Variants in RBFOX1 observed in about 807,000 individuals in gnomAD.
The protein encoded by RBFOX1 is RNA binding protein fox-1 homolog 1.
RBFOX1 carries 8 observed loss-of-function variants against 57.7 expected under a neutral mutation model. The observed-to-expected ratio is 0.14, with a 90% CI of 0.08 to 0.25. The LOEUF (loss-of-function observed/expected upper bound fraction) is 0.25. Among genes scored for constraint, RBFOX1 ranks in the 10% least tolerant of loss-of-function variants. The pLI, the probability that RBFOX1 is intolerant of heterozygous loss-of-function variation, is 1.00. For missense variants in RBFOX1, 611 were observed against 548.5 expected, an observed-to-expected ratio of 1.11 and a Z score of -1.14; for synonymous variants, 326 against 222.4, an observed-to-expected ratio of 1.47 and a Z score of -4.15.
At chr16:7,073,319 C>G (rs370812004) in intron 4 of RBFOX1, among the ~76,000 whole-genome samples, 2 of 152,240 alleles carry the variant, frequency 1.3e-5, no homozygotes, top group African/African-American at 4.8e-5. Context: ...AATCCCTTCC[C>G]TATATGAAGG....
chr16:5,600,540 T>C (rs2151206814), downstream of RBFOX1, among the ~76,000 whole-genome samples: 1 of 147,240 alleles, frequency 6.8e-6, no homozygotes, highest in East Asian at 2.0e-4. Context: ...TGTCCATGAG[T>C]GTGCTCTGTA....
chr16:6,652,111 A>T (rs1050589291), intron 2 of RBFOX1, among the ~76,000 whole-genome samples: 3 of 152,106 alleles, frequency 2.0e-5, no homozygotes. Context: ...AGGTTAAGTG[A>T]TGTCATAAGG....
chr16:5,507,694 G>C (rs1173322523), intron 2 of RBFOX1, among the ~76,000 whole-genome samples: 1 of 152,130 alleles, frequency 6.6e-6, no homozygotes, highest in Non-Finnish European at 1.5e-5. Context: ...TCCAGTGACT[G>C]GTGTCCTTAT....
chr16:7,487,400 G>A (rs142657369), intron 4 of RBFOX1, among the ~76,000 whole-genome samples: 66 of 152,246 alleles, frequency 4.3e-4, no homozygotes, highest in Non-Finnish European at 8.7e-4. Context: ...CCTGTCTCCT[G>A]TACTGAAAGG....
At chr16:6,128,030 G>A (rs1567519969) in intron 1 of RBFOX1, among the ~76,000 whole-genome samples, 1 of 152,142 alleles carries the variant, frequency 6.6e-6, no homozygotes. Flanking sequence ...GCTGTGCTGT[G>A]AAGTCACTAG....
At chr16:7,512,055 C>A (rs2075236574) in intron 4 of RBFOX1, among the ~76,000 whole-genome samples, 1 of 151,872 alleles carries the variant, frequency 6.6e-6, no homozygotes, top group Admixed American at 6.6e-5. Flanking sequence ...CCCACAAGCA[C>A]CCTGACTCTG....
intron 4 of RBFOX1, among the ~76,000 whole-genome samples, chr16:7,080,461 G>T (rs116548318): frequency 0.01 from 1,528 of 152,268 alleles, 30 homozygotes; most frequent in African/African-American, 0.035. Context: ...CTGAATACAT[G>T]TAACAGAGCC....
intron 2 of RBFOX1, among the ~76,000 whole-genome samples, chr16:5,514,650 C>A (rs1158869961): frequency 6.6e-6 from 1 of 152,006 alleles, no homozygotes; most frequent in African/African-American, 2.4e-5. Context: ...AACGGATGCA[C>A]ATCTCTGCCC....
At chr16:6,978,519 C>T (rs1260046481) in intron 3 of RBFOX1, among the ~76,000 whole-genome samples, 1 of 152,192 alleles carries the variant, frequency 6.6e-6, no homozygotes, top group Non-Finnish European at 1.5e-5. Flanking sequence ...GAAAGGGAAG[C>T]TGAGGTTCAT....
At chr16:6,048,883 T>G (rs902374420) in intron 1 of RBFOX1, among the ~76,000 whole-genome samples, 2 of 152,126 alleles carry the variant, frequency 1.3e-5, no homozygotes, top group Admixed American at 6.5e-5. Flanking sequence ...AATGGTTATC[T>G]TGGCTAAAGT....
intron 2 of RBFOX1, among the ~76,000 whole-genome samples, chr16:5,506,568 C>A (rs12932752): frequency 1.3e-5 from 2 of 152,140 alleles, no homozygotes; most frequent in African/African-American, 4.8e-5. Context: ...GAGGTGCAGC[C>A]AGCCTAGCTC....
At chr16:5,598,531 T>A (rs1180474313) in intron 2 of RBFOX1, among the ~76,000 whole-genome samples, 3 of 152,228 alleles carry the variant, frequency 2.0e-5, no homozygotes, top group Non-Finnish European at 4.4e-5. Flanking sequence ...AGCAATATAT[T>A]TTATTTTTAT....
chr16:7,433,786 C>T (rs189898764), intron 4 of RBFOX1, among the ~76,000 whole-genome samples: 1 of 152,134 alleles, frequency 6.6e-6, no homozygotes. Flanking sequence ...ATCCAGCCAG[C>T]CAGCCAGACA....
rs1365621850 is a variant in RBFOX1, at chr16:6,295,117, T to TG, written c.-126-21878_-126-21877insG. The stretch of plus-strand genomic sequence containing the variant: ...GCAGTGAGTTTTTTTTTTTTTTTTT[T>TG]TTTTTTTTTGAGACGGGGTATCTCT... On this transcript the variant is annotated intron_variant, in intron 1 of 15. Transcript: ENST00000550418. 5.1e-4 allele frequency among the ~76,000 whole-genome samples: 74 copies of TG among 146,400 alleles called. 1 individual carries two copies. Among genetic ancestry groups the TG allele is most frequent in the South Asian group, 6.6e-4 (3 of 4,538 alleles).
At chr16:5,729,604 C>T (rs1460193943) in intron 3 of RBFOX1, among the ~76,000 whole-genome samples, 2 of 152,044 alleles carry the variant, frequency 1.3e-5, no homozygotes, top group African/African-American at 4.8e-5. Context: ...AGATAATTTG[C>T]ATCTTTACTA....
At chr16:5,391,465 C>T (rs1052125707) in intron 1 of RBFOX1, among the ~76,000 whole-genome samples, 3 of 152,274 alleles carry the variant, frequency 2.0e-5, no homozygotes, top group Admixed American at 2.0e-4. Context: ...CATGTAAGGT[C>T]CCTTGGGACT....
At chr16:6,861,832 T>TTTG (rs2059067671) in intron 3 of RBFOX1, among the ~76,000 whole-genome samples, 1 of 149,688 alleles carries the variant, frequency 6.7e-6, no homozygotes, top group African/African-American at 2.5e-5. Context: ...GGTTTTTTTT[T>TTTG]TTTTTTTTTT....
In RBFOX1 at chr16:5,532,341, A is replaced by C. The variant is rs541716065; in HGVS notation, c.258+65087A>C. 1.3e-3 allele frequency among the ~76,000 whole-genome samples: 192 copies of C among 152,318 alleles called. 2 individuals carry two copies. Among genetic ancestry groups the C allele is most frequent in the African/African-American group, 4.5e-3 (189 of 41,570 alleles). The stretch of plus-strand genomic sequence containing the variant: ...TCACTTGAGAACCATTGTTCTAGAT[A>C]ATAAGCTCCTTTGGGCTTTTTGGCT... On this transcript the variant is annotated intron_variant, in intron 2 of 2. Transcript: ENST00000585867.
chr16:7,472,446 G>A (rs934492007), intron 4 of RBFOX1, among the ~76,000 whole-genome samples: 3 of 152,156 alleles, frequency 2.0e-5, no homozygotes, highest in African/African-American at 2.4e-5. Context: ...CAGTGTGGCT[G>A]AACTATAAGT....
Sources: allele counts gnomAD v4.1 joint callset (sites outside exome capture counted in the v4.1 genomes callset), GRCh38; gene constraint gnomAD v4.1.1; transcripts MANE v1.5; gene names NCBI Gene and HGNC (gene_info 2026-07-23, HGNC 2026-07-21).